Variants in SMPD3 observed in about 807,000 individuals in gnomAD.
SMPD3 encodes nSMase-2.
SMPD3 carries 21 observed loss-of-function variants against 55.7 expected under a neutral mutation model. The observed-to-expected ratio is 0.38, with a 90% CI of 0.27 to 0.54. SMPD3 has a LOEUF of 0.54. Among genes scored for constraint, SMPD3 ranks in the 20% least tolerant of loss-of-function variants. The pLI is 0.80. For synonymous variants in SMPD3, 457 were observed against 404.3 expected (o/e 1.13, Z -1.56); for missense variants, 842 against 899.6 (o/e 0.94, Z 0.82).
intron 2 of SMPD3, among the ~76,000 whole-genome samples, chr16:68,381,681 C>T (rs2089954725): frequency 6.6e-6 from 1 of 152,182 alleles, no homozygotes; most frequent in Non-Finnish European, 1.5e-5. Context: ...ATGGTGGCTG[C>T]TCCGTCAGCC....
At chr16:68,365,428 T>C (rs529700492) in intron 3 of SMPD3, among the ~76,000 whole-genome samples, 1 of 152,130 alleles carries the variant, frequency 6.6e-6, no homozygotes, top group South Asian at 2.1e-4. Flanking sequence ...CGGCTCTCAG[T>C]TCCTTGTCCA....
intron 1 of SMPD3, among the ~76,000 whole-genome samples, chr16:68,399,189 G>C (rs368981043): frequency 1.1e-4 from 16 of 152,238 alleles, no homozygotes; most frequent in Non-Finnish European, 1.8e-4. Context: ...GGTGGGCTTG[G>C]GGGGAGGTCA....
intron 1 of SMPD3, among the ~76,000 whole-genome samples, chr16:68,432,222 A>G (rs2090486171): frequency 6.6e-6 from 1 of 152,222 alleles, no homozygotes; most frequent in African/African-American, 2.4e-5. Flanking sequence ...TGCAAATTAC[A>G]AAAGTTACGT....
intron 1 of SMPD3, among the ~76,000 whole-genome samples, chr16:68,410,198 C>T (rs1219107016): frequency 9.9e-5 from 15 of 152,182 alleles, no homozygotes; most frequent in Admixed American, 9.8e-4. Context: ...ACGAATGCCC[C>T]GTGGGTGCTG....
intron 1 of SMPD3, among the ~76,000 whole-genome samples, chr16:68,412,002 G>A (rs1172044289): frequency 1.3e-5 from 2 of 152,136 alleles, no homozygotes; most frequent in African/African-American, 2.4e-5. Context: ...CAGCATGCCT[G>A]GAACAGAAAT....
intron 1 of SMPD3, among the ~76,000 whole-genome samples, chr16:68,438,139 G>T (rs1871061301): frequency 6.6e-6 from 1 of 152,148 alleles, no homozygotes; most frequent in Non-Finnish European, 1.5e-5. Flanking sequence ...TGCACAGGGA[G>T]CAAATCTTCT....
At chr16:68,416,247 C>T (rs1040884884) in intron 1 of SMPD3, among the ~76,000 whole-genome samples, 44 of 152,344 alleles carry the variant, frequency 2.9e-4, no homozygotes, top group African/African-American at 9.6e-4. Context: ...TGAAAACTGA[C>T]ATGGGTCATA....
At chr16:68,432,917 C>G (rs774438345) in intron 1 of SMPD3, among the ~76,000 whole-genome samples, 21 of 152,174 alleles carry the variant, frequency 1.4e-4, no homozygotes, top group Non-Finnish European at 2.9e-4. Flanking sequence ...GATCCTCTCA[C>G]CTCAGCCTCC....
At chr16:68,380,816 C>T (rs1005080740) in intron 2 of SMPD3, among the ~76,000 whole-genome samples, 7 of 152,218 alleles carry the variant, frequency 4.6e-5, no homozygotes, top group Non-Finnish European at 1.0e-4. Flanking sequence ...CACAAGTCCA[C>T]ACAAATGTTA....
At chr16:68,427,050 G>A (rs2090441783) in intron 1 of SMPD3, among the ~76,000 whole-genome samples, 1 of 145,374 alleles carries the variant, frequency 6.9e-6, no homozygotes, top group African/African-American at 2.6e-5. Flanking sequence ...AGGCTGGAGT[G>A]CAGTGGTGAG....
chr16:68,390,322 T>G (rs1172955049), intron 1 of SMPD3, among the ~76,000 whole-genome samples: 1 of 152,212 alleles, frequency 6.6e-6, no homozygotes, highest in East Asian at 1.9e-4. Flanking sequence ...GGAGTCTTTG[T>G]GACCTGTATC....
rs768876270 is a variant in SMPD3, at chr16:68,371,394, G to A, written c.788C>T (p.Pro263Leu). 6.4e-7 allele frequency: 1 copy of A among 1,567,174 alleles called. No individual in the cohort carries two copies. Residue 263 changes from proline (P) to leucine (L), a missense_variant, in exon 3 of 9, where the codon CCT (proline) becomes CTT (leucine). By Grantham distance (98) the Pro-to-Leu change is moderately conservative (BLOSUM62 -3). Coordinates refer to ENST00000219334, the MANE Select transcript of SMPD3 (RefSeq NM_018667.4). ...GRPPEADDPV[P>L]GGQARNGAGG... is the part of the protein sequence containing the mutation. ...AGCTCCGTTCCTGGCCTGGCCCCCA[G>A]GCACAGGGTCGTCAGCTTCAGGTGG...
At chr16:68,377,656 G>A (rs2089850455) in intron 2 of SMPD3, among the ~76,000 whole-genome samples, 1 of 152,222 alleles carries the variant, frequency 6.6e-6, no homozygotes. Flanking sequence ...AGCCAGGCTG[G>A]TCCTGTCTGG....
intron 1 of SMPD3, among the ~76,000 whole-genome samples, chr16:68,407,011 T>C (rs898138643): frequency 6.6e-6 from 1 of 152,126 alleles, no homozygotes; most frequent in Non-Finnish European, 1.5e-5. Context: ...GGCTGTTTGC[T>C]CATTAATGTG....
intron 1 of SMPD3, among the ~76,000 whole-genome samples, chr16:68,434,791 C>T (rs1211260531): frequency 2.0e-5 from 3 of 152,182 alleles, no homozygotes; most frequent in African/African-American, 7.2e-5. Context: ...TTTAATTTGA[C>T]TCTGTGTTCG....
At chr16:68,401,481 C>T (rs368144258) in intron 1 of SMPD3, among the ~76,000 whole-genome samples, 86 of 151,718 alleles carry the variant, frequency 5.7e-4, no homozygotes, top group African/African-American at 1.9e-3. Flanking sequence ...GGGGCTGGGG[C>T]GTAAGTGGGA....
intron 1 of SMPD3, among the ~76,000 whole-genome samples, chr16:68,413,463 T>A (rs893230212): frequency 1.6e-4 from 25 of 152,232 alleles, no homozygotes; most frequent in Admixed American, 3.3e-4. Flanking sequence ...GAGAAAATTA[T>A]CCCTCAAGGC....
intron 1 of SMPD3, among the ~76,000 whole-genome samples, chr16:68,426,368 CAA>C (rs1010969973): frequency 2.6e-5 from 4 of 152,132 alleles, no homozygotes; most frequent in African/African-American, 9.7e-5. Flanking sequence ...GAAGAGAAAA[CAA>C]AGAGTGGTGA....
chr16:68,364,395 T>C (rs1360984491), intron 5 of SMPD3: 2 of 254,414 alleles, frequency 7.9e-6, no homozygotes, highest in African/African-American at 2.3e-5. Flanking sequence ...TCAGGGTTGT[T>C]AAGACACTTA....
Sources: allele counts gnomAD v4.1 joint callset (sites outside exome capture counted in the v4.1 genomes callset), GRCh38; gene constraint gnomAD v4.1.1; transcripts MANE v1.5; gene names NCBI Gene and HGNC (gene_info 2026-07-23, HGNC 2026-07-21).